Variants in DTL observed in about 807,000 individuals in gnomAD.
DTL encodes denticleless protein homolog.
A neutral mutation model predicts 87.0 loss-of-function variants in DTL; 46 were observed. The ratio of observed to expected loss-of-function variants is 0.53; its 90% CI spans 0.42 to 0.68. DTL has a LOEUF of 0.68. Among genes scored for constraint, DTL ranks in the 30% least tolerant of loss-of-function variants. DTL has a pLI of 0.00. For missense variants in DTL, 737 were observed against 869.4 expected (o/e 0.85, Z 1.91); for synonymous variants, 308 against 311.2 (o/e 0.99, Z 0.11).
chr1:212,036,430 A>G (rs1186800736), intron 1 of DTL, among the ~76,000 whole-genome samples: 1 of 152,178 alleles, frequency 6.6e-6, no homozygotes, highest in African/African-American at 2.4e-5. Flanking sequence ...TTCTAACAGG[A>G]ACAAAATCTT....
chr1:212,086,358 T>C lies in DTL; in HGVS notation c.1261+5608T>C, dbSNP rs144677242. 5.4e-3 allele frequency among the ~76,000 whole-genome samples: 822 copies of C among 152,246 alleles called. 4 individuals carry two copies. The highest frequency in any genetic ancestry group is 0.019 in the African/African-American group (779 of 41,540). ...AGAGAATACTGATTTTAAAAAAAAG[T>C]CATCAGTATTCCCTCCACTTTGACA... On this transcript the variant is annotated intron_variant, in intron 13 of 14. Transcript: ENST00000366991.
intron 1 of DTL, among the ~76,000 whole-genome samples, chr1:212,036,519 G>T (rs762997917): frequency 4.6e-5 from 7 of 152,170 alleles, no homozygotes; most frequent in Non-Finnish European, 8.8e-5. Context: ...CGCCAGAGAT[G>T]ACCCCTGTTA....
At chr1:212,054,223 G>T (rs1434242762) in intron 5 of DTL, among the ~76,000 whole-genome samples, 1 of 151,950 alleles carries the variant, frequency 6.6e-6, no homozygotes, top group Non-Finnish European at 1.5e-5. Context: ...CGGAATCATG[G>T]GTTCCCTTTC....
chr1:212,080,656 C>T lies in DTL; in HGVS notation c.1167C>T (p.Arg389=), dbSNP rs764769475. 1 of 1,613,574 alleles carries T rather than the reference C, an allele frequency of 6.2e-7. No homozygotes were observed. The highest frequency in any genetic ancestry group is 1.1e-5 in the South Asian group (1 of 91,058). Residue 389 remains arginine (R), a synonymous_variant, in exon 13 of 15, where the codon CGC becomes CGT. Transcript: ENST00000366991. Reference sequence around the variant, plus strand: ...ATGACAATACACTAAAAATCTGGCGCTTGAATAGAGGCTTAGAGGAGAAAC... The same window carrying T: ...ATGACAATACACTAAAAATCTGGCGTTTGAATAGAGGCTTAGAGGAGAAAC... ...CSDDNTLKIW[R]LNRGLEEKPG... is the part of the protein sequence containing the mutation.
At chr1:212,038,271 C>G (rs1667544764) in intron 1 of DTL, among the ~76,000 whole-genome samples, 1 of 152,224 alleles carries the variant, frequency 6.6e-6, no homozygotes, top group Non-Finnish European at 1.5e-5. Context: ...AACGAAATGA[C>G]ATTGTACAAA....
chr1:212,047,558 A>G (rs887990319), intron 5 of DTL, 141 bp downstream of exon 5: 3 of 1,205,764 alleles, frequency 2.5e-6, no homozygotes, highest in South Asian at 1.5e-5. Flanking sequence ...TTTTGGAGAC[A>G]GTTTCGTTCT....
In DTL at chr1:212,100,290, C is replaced by G. The variant is rs1266569223; in HGVS notation, c.1300C>G (p.Pro434Ala). 2 of 1,597,250 alleles carry G rather than the reference C, an allele frequency of 1.3e-6. No homozygotes were observed. Among genetic ancestry groups the G allele is most frequent in the Non-Finnish European group, 1.7e-6 (2 of 1,173,192 alleles). ...TAGCCAGAGTACTCCTGCCAAAGCC[C>G]CCAGGGCAAAGTGCAATCCATCCAA... ...TSSQSTPAKAPRAKCNPSNSS... is the reference protein window; with the variant it reads ...TSSQSTPAKAARAKCNPSNSS... The change falls in exon 14 of 15, where the codon CCC becomes GCC. Residue 434 changes from proline to alanine, a missense_variant. Coordinates refer to ENST00000366991, the MANE Select transcript of DTL (RefSeq NM_016448.4).
At chr1:212,077,865 G>A (rs184507022) in intron 11 of DTL, among the ~76,000 whole-genome samples, 22 of 152,282 alleles carry the variant, frequency 1.4e-4, no homozygotes, top group Admixed American at 5.9e-4. Context: ...GACAATGCCA[G>A]TCTTGAATTT....
At position 212,059,449 on chromosome 1, in the gene DTL, A is replaced by G. The variant is rs535686860; in HGVS notation, c.461-3435A>G. ...ATGATCATTTTAGTAGATAGAGAAAAATAATTCGATAAAATTCAGCATCTC... is the reference window on the plus strand; with the variant it reads ...ATGATCATTTTAGTAGATAGAGAAAGATAATTCGATAAAATTCAGCATCTC... On this transcript the variant is annotated intron_variant, in intron 5 of 14. Coordinates refer to ENST00000366991, the MANE Select transcript of DTL (RefSeq NM_016448.4). Among the ~76,000 whole-genome samples the G allele has an allele frequency of 9.2e-5, 14 of 152,244 alleles. 1 individual carries two copies. In the South Asian group the frequency reaches 2.9e-3, roughly 32 times the overall value.
intron 3 of DTL, among the ~76,000 whole-genome samples, chr1:212,046,184 T>A (rs1469974116): frequency 6.6e-6 from 1 of 152,186 alleles, no homozygotes; most frequent in Non-Finnish European, 1.5e-5. Flanking sequence ...TGGTAGTAGT[T>A]CTCATGTGGT....
Position 212,035,783 on chromosome 1 carries a change from T to C in DTL, c.-108T>C. ...GGCCGGGGCTTACAGTGGCGGGAGT[T>C]GGAGGCGATAACGATTTGTGTTGTG... is the stretch of plus-strand genomic sequence containing the variant. On this transcript the variant is annotated 5_prime_UTR_variant, in exon 1 of 15. Coordinates refer to ENST00000366991, the MANE Select transcript of DTL (RefSeq NM_016448.4). 1 of 1,043,582 alleles carries C rather than the reference T, an allele frequency of 9.6e-7. No individual in the cohort carries two copies. The highest frequency in any genetic ancestry group is 1.6e-5 in the African/African-American group (1 of 63,646). The allele number at this position is 1,043,582 out of a possible 1,614,324, so 64.6% of individuals were successfully genotyped here. A position where few individuals can be genotyped will look rare whatever the true frequency, so the allele number is the denominator to read the frequency against.
chr1:212,037,022 T>C (rs1285150533), intron 1 of DTL, among the ~76,000 whole-genome samples: 1 of 152,248 alleles, frequency 6.6e-6, no homozygotes, highest in Non-Finnish European at 1.5e-5. Context: ...GTAATTATAC[T>C]TAAATGCTCC....
intron 5 of DTL, among the ~76,000 whole-genome samples, chr1:212,048,601 G>A (rs1014815398): frequency 2.0e-5 from 3 of 152,212 alleles, no homozygotes; most frequent in African/African-American, 7.2e-5. Context: ...ACACAGCACA[G>A]TACTGTAGCA....
intron 11 of DTL, among the ~76,000 whole-genome samples, chr1:212,073,878 T>A: frequency 6.6e-6 from 1 of 152,122 alleles, no homozygotes; most frequent in Admixed American, 6.5e-5. Flanking sequence ...CTCTGTCTTA[T>A]ATTTAAAATT....
intron 5 of DTL, among the ~76,000 whole-genome samples, chr1:212,057,785 G>C (rs910520650): frequency 6.6e-6 from 1 of 152,126 alleles, no homozygotes; most frequent in African/African-American, 2.4e-5. Context: ...GAAAAGTACA[G>C]ACTGGGCAAA....
chr1:212,055,912 C>G (rs1367134276), intron 5 of DTL, among the ~76,000 whole-genome samples: 1 of 152,198 alleles, frequency 6.6e-6, no homozygotes, highest in Non-Finnish European at 1.5e-5. Context: ...GAGCACTCCT[C>G]CTAGAGTCTA....
intron 13 of DTL, among the ~76,000 whole-genome samples, chr1:212,091,971 T>A (rs895829855): frequency 2.0e-5 from 3 of 152,346 alleles, no homozygotes; most frequent in Non-Finnish European, 4.4e-5. Context: ...TCTCCTTTTT[T>A]AAAAAATTTC....
chr1:212,051,341 G>T (rs1272067762), intron 5 of DTL, among the ~76,000 whole-genome samples: 1 of 148,920 alleles, frequency 6.7e-6, no homozygotes, highest in African/African-American at 2.5e-5. Flanking sequence ...TTTTCTTATA[G>T]TGTGAGTCTG....
rs36050858 is a variant in DTL at position 212,060,734 on chromosome 1, CAAAAAAAAAA to C, written c.461-2141_461-2132del. Among the ~76,000 whole-genome samples, 4 of 90,610 alleles carry C rather than the reference CAAAAAAAAAA, an allele frequency of 4.4e-5. No homozygotes were observed. In the East Asian group the frequency reaches 1.2e-3, roughly 28 times the overall value. The allele number at this position is 90,610 out of a possible 152,430, so 59.4% of individuals were successfully genotyped here. On this transcript the variant is annotated intron_variant, in intron 5 of 14. Coordinates refer to ENST00000366991, the MANE Select transcript of DTL (RefSeq NM_016448.4). Reference sequence around the variant, plus strand: ...TGGTTGACACAGTGAGACTCAGTCTCAAAAAAAAAAAAAAAAAATCAAGATGGAGTATAAA... The same window carrying C: ...TGGTTGACACAGTGAGACTCAGTCTCAAAAAAAATCAAGATGGAGTATAAA...
Sources: allele counts gnomAD v4.1 joint callset (sites outside exome capture counted in the v4.1 genomes callset), GRCh38; gene constraint gnomAD v4.1.1; transcripts MANE v1.5; gene names NCBI Gene and HGNC (gene_info 2026-07-23, HGNC 2026-07-21).